Variants in ASAP1 observed in about 807,000 individuals in gnomAD.
ASAP1 encodes ArfGAP with SH3 domain, ankyrin repeat and PH domain 1.
A neutral mutation model predicts 145.2 loss-of-function variants in ASAP1; 43 were observed. That is an observed-to-expected ratio of 0.30 (90% confidence interval 0.23 to 0.38). The LOEUF is 0.38. Ranked by LOEUF, ASAP1 falls within the 10% of genes least tolerant of loss-of-function variation. ASAP1 has a pLI of 1.00. For missense variants in ASAP1, 1,018 were observed against 1,355.3 expected (o/e 0.75, Z 3.91); for synonymous variants, 546 against 515.5 (o/e 1.06, Z -0.80).
intron 3 of ASAP1, among the ~76,000 whole-genome samples, chr8:130,325,947 G>A (rs1824299236): frequency 6.6e-6 from 1 of 152,108 alleles, no homozygotes; most frequent in African/African-American, 2.4e-5. Context: ...ATTTTCTATT[G>A]TCTTCACAAT....
At chr8:130,359,978 G>C (rs1178875577) in intron 2 of ASAP1, among the ~76,000 whole-genome samples, 1 of 152,246 alleles carries the variant, frequency 6.6e-6, no homozygotes, top group Non-Finnish European at 1.5e-5. Context: ...CTGACTACAA[G>C]GGAGTGCCCC....
At chr8:130,336,966 T>C (rs1183861880) in intron 3 of ASAP1, among the ~76,000 whole-genome samples, 1 of 152,148 alleles carries the variant, frequency 6.6e-6, no homozygotes, top group Non-Finnish European at 1.5e-5. Flanking sequence ...AGTATAAAAA[T>C]AGTTTTGATC....
At chr8:130,293,573 TAGTA>T (rs759445377) in intron 3 of ASAP1, among the ~76,000 whole-genome samples, 4 of 152,004 alleles carry the variant, frequency 2.6e-5, no homozygotes. Context: ...GGGCCAAAAG[TAGTA>T]AGTAAGGATT....
intron 5 of ASAP1, among the ~76,000 whole-genome samples, chr8:130,210,895 C>G (rs1816538992): frequency 6.6e-6 from 1 of 152,084 alleles, no homozygotes; most frequent in African/African-American, 2.4e-5. Flanking sequence ...ATTTGTGAAA[C>G]AAATTTTTTG....
chr8:130,206,561 G>A (rs968872686), intron 5 of ASAP1, among the ~76,000 whole-genome samples: 1 of 152,114 alleles, frequency 6.6e-6, no homozygotes, highest in African/African-American at 2.4e-5. Flanking sequence ...CAACAGCTCT[G>A]AAGCAATAAC....
At chr8:130,133,307 T>TA (rs1196143024) in intron 15 of ASAP1, among the ~76,000 whole-genome samples, 3 of 152,100 alleles carry the variant, frequency 2.0e-5, no homozygotes, top group Non-Finnish European at 2.9e-5. Flanking sequence ...GCTAGCATTT[T>TA]AAAAAAGGGA....
intron 13 of ASAP1, among the ~76,000 whole-genome samples, chr8:130,147,900 T>C (rs183166265): frequency 5.3e-4 from 81 of 152,352 alleles, no homozygotes; most frequent in African/African-American, 1.9e-3. Flanking sequence ...CTGTTGGTGT[T>C]GGTTGATTGA....
chr8:130,317,673 C>A (rs1823748028), intron 3 of ASAP1, among the ~76,000 whole-genome samples: 1 of 152,240 alleles, frequency 6.6e-6, no homozygotes, highest in Non-Finnish European at 1.5e-5. Flanking sequence ...AAACCAGTTA[C>A]CTCCATTGTG....
At chr8:130,238,605 A>C (rs531964885) in intron 3 of ASAP1, among the ~76,000 whole-genome samples, 3 of 152,256 alleles carry the variant, frequency 2.0e-5, no homozygotes, top group African/African-American at 7.2e-5. Context: ...TTTATAAAAC[A>C]TATCAATTAT....
Position 130,236,908 on chromosome 8 carries a change from T to C in ASAP1, c.259+14A>G, listed in dbSNP as rs200323353. 3.5e-5 allele frequency: 53 copies of C among 1,522,578 alleles called. No individual in the cohort carries two copies. In the Admixed American group the frequency reaches 3.6e-4, roughly 10 times the overall value. The allele number at this position is 1,522,578 out of a possible 1,614,324, so 94.3% of individuals were successfully genotyped here. On this transcript the variant is annotated intron_variant, in intron 4 of 29. Transcript: ENST00000518721. ...TTTATAATTCATGTTACCTCATTTT[T>C]AGTAAGTGCTTACCTTGACCAGAAT...
intron 10 of ASAP1, among the ~76,000 whole-genome samples, chr8:130,168,100 G>A (rs1445592265): frequency 6.6e-6 from 1 of 152,028 alleles, no homozygotes; most frequent in East Asian, 1.9e-4. Context: ...CCTGAACCAT[G>A]TTAACTACTA....
At chr8:130,294,045 T>C (rs1374723143) in intron 3 of ASAP1, among the ~76,000 whole-genome samples, 1 of 152,226 alleles carries the variant, frequency 6.6e-6, no homozygotes, top group Non-Finnish European at 1.5e-5. Flanking sequence ...TAATAGGTAT[T>C]ATACCCACAT....
At chr8:130,380,748 C>T (rs548607321) in intron 2 of ASAP1, among the ~76,000 whole-genome samples, 9 of 152,184 alleles carry the variant, frequency 5.9e-5, no homozygotes, top group Non-Finnish European at 1.3e-4. Context: ...TTTTTAGAGA[C>T]AGGGTCTCAC....
intron 2 of ASAP1, among the ~76,000 whole-genome samples, chr8:130,374,241 G>A (rs1827370148): frequency 6.6e-6 from 1 of 152,218 alleles, no homozygotes; most frequent in South Asian, 2.1e-4. Flanking sequence ...AATAAGATAT[G>A]TGAGAGTACA....
intron 3 of ASAP1, among the ~76,000 whole-genome samples, chr8:130,262,404 A>G (rs1480749797): frequency 1.8e-5 from 2 of 114,148 alleles, no homozygotes; most frequent in African/African-American, 3.6e-5. Flanking sequence ...AAAAAAAAAA[A>G]AAAAAAAAAA....
chr8:130,438,879 C>G (rs753821256), intron 1 of ASAP1, among the ~76,000 whole-genome samples: 4 of 152,146 alleles, frequency 2.6e-5, no homozygotes, highest in Non-Finnish European at 4.4e-5. Flanking sequence ...GGGTTAGGAA[C>G]CTCTCCCCAG....
intron 12 of ASAP1, among the ~76,000 whole-genome samples, chr8:130,153,337 A>ATATATATATATATATATATATATG (rs1565024389): frequency 5.3e-5 from 3 of 56,906 alleles, no homozygotes; most frequent in South Asian, 8.6e-4. Context: ...TTTTAAATAT[A>ATATATATATATATATATATATATG]TATATATATA....
At chr8:130,188,682 C>T (rs146277888) in intron 5 of ASAP1, among the ~76,000 whole-genome samples, 2,756 of 100,846 alleles carry the variant, frequency 0.027, 43 homozygotes, top group East Asian at 0.096. Flanking sequence ...TGCAGTGAGC[C>T]GAGATCACCA....
chr8:130,411,445 T>TGAA (rs1381381721), intron 1 of ASAP1, among the ~76,000 whole-genome samples: 1 of 152,204 alleles, frequency 6.6e-6, no homozygotes, highest in African/African-American at 2.4e-5. Flanking sequence ...CCCAGAGGAA[T>TGAA]GAAACCCTAG....
Sources: gnomAD v4.1 joint callset for allele counts (sites outside exome capture counted in the v4.1 genomes callset) on GRCh38, gnomAD v4.1.1 for gene constraint, MANE v1.5 for transcripts, NCBI Gene and HGNC (gene_info 2026-07-23, HGNC 2026-07-21) for gene names.